The following CTNNA3 variants were observed in gnomAD, a reference collection of about 807,000 sequenced individuals.
The protein encoded by CTNNA3 is catenin alpha-3.
In CTNNA3, 76 loss-of-function variants were observed where a neutral mutation model predicts 95.7. That is an observed-to-expected ratio of 0.79 (90% CI 0.66 to 0.96). The LOEUF is 0.96. Ranked by LOEUF, CTNNA3 falls within the 40% of genes least tolerant of loss-of-function variation. The pLI is 0.00. For missense variants in CTNNA3, 1,191 were observed against 1,089.8 expected, an observed-to-expected ratio of 1.09 and a Z score of -1.31; for synonymous variants, 431 against 374.4, an observed-to-expected ratio of 1.15 and a Z score of -1.74.
At chr10:67,099,435 T>G (rs1361822703) in intron 7 of CTNNA3, 2 of 151,754 alleles carry the variant, frequency 1.3e-5, no homozygotes, top group Admixed American at 6.6e-5. Flanking sequence ...AATACATCAA[T>G]CTAACAGGGG....
intron 15 of CTNNA3, among the ~76,000 whole-genome samples, chr10:66,066,092 A>G (rs2080307248): frequency 1.3e-5 from 2 of 151,198 alleles, no homozygotes; most frequent in Non-Finnish European, 2.9e-5. Context: ...CGAACTCCCA[A>G]CCTCTGGTGA....
At chr10:66,782,923 A>T (rs1166556756) in intron 7 of CTNNA3, among the ~76,000 whole-genome samples, 2 of 152,128 alleles carry the variant, frequency 1.3e-5, no homozygotes, top group African/African-American at 4.8e-5. Context: ...GGTTTCTAAA[A>T]TAAGCTCTCT....
chr10:67,234,981 G>A (rs890920792), intron 5 of CTNNA3, among the ~76,000 whole-genome samples: 10 of 148,592 alleles, frequency 6.7e-5, no homozygotes, highest in Admixed American at 2.0e-4. Context: ...TCTTCAAGGA[G>A]AACTACAAAC....
At chr10:66,732,896 A>G (rs1053377901) in intron 9 of CTNNA3, among the ~76,000 whole-genome samples, 1 of 152,076 alleles carries the variant, frequency 6.6e-6, no homozygotes, top group Non-Finnish European at 1.5e-5. Context: ...CCCAGGTTCA[A>G]GTGATTCTCA....
At chr10:66,541,307 C>T (rs759812376) in intron 10 of CTNNA3, among the ~76,000 whole-genome samples, 1 of 152,142 alleles carries the variant, frequency 6.6e-6, no homozygotes, top group Non-Finnish European at 1.5e-5. Context: ...AATTTAATTA[C>T]ATCAATTTGG....
intron 1 of CTNNA3, among the ~76,000 whole-genome samples, chr10:67,718,220 GA>G (rs546987376): frequency 9.7e-4 from 148 of 152,314 alleles, no homozygotes; most frequent in African/African-American, 3.3e-3. Context: ...TTGGAGCTGA[GA>G]AAATGGGGTT....
chr10:65,973,942 G>A lies in CTNNA3; in HGVS notation c.2266-7196C>T, dbSNP rs115198273. Among the ~76,000 whole-genome samples the A allele has an allele frequency of 8.4e-3, 1,270 of 152,004 alleles. 24 individuals carry two copies. Among genetic ancestry groups the A allele is most frequent in the African/African-American group, 0.029 (1,197 of 41,482 alleles). ...GCCAAAACCACATCAAAACATGAAT[G>A]GACACTTCTCAAAAGAAGACATACA... On this transcript the variant is annotated intron_variant, in intron 16 of 17. Transcript: ENST00000433211.
At chr10:67,755,064 C>T (rs1841425704) in intron 1 of CTNNA3, among the ~76,000 whole-genome samples, 1 of 151,818 alleles carries the variant, frequency 6.6e-6, no homozygotes, top group African/African-American at 2.4e-5. Flanking sequence ...ATTACCAATG[C>T]CTGTAGTAGT....
intron 3 of CTNNA3, among the ~76,000 whole-genome samples, chr10:67,591,907 G>GAC (rs1564767212): frequency 1.3e-5 from 2 of 151,722 alleles, no homozygotes; most frequent in African/African-American, 4.9e-5. Flanking sequence ...ACAGCAACAG[G>GAC]AGACAAATTC....
At chr10:66,897,532 A>T (rs1045426753) in intron 7 of CTNNA3, among the ~76,000 whole-genome samples, 1 of 152,178 alleles carries the variant, frequency 6.6e-6, no homozygotes, top group Non-Finnish European at 1.5e-5. Flanking sequence ...ACCAACAACA[A>T]ATTATTTTAA....
intron 5 of CTNNA3, among the ~76,000 whole-genome samples, chr10:67,365,737 A>C (rs1223617882): frequency 6.6e-6 from 1 of 152,218 alleles, no homozygotes; most frequent in Non-Finnish European, 1.5e-5. Context: ...CAGATGCTGG[A>C]GAGGATGTGA....
chr10:66,249,069 A>G (rs2090446888), intron 13 of CTNNA3, among the ~76,000 whole-genome samples: 1 of 152,190 alleles, frequency 6.6e-6, no homozygotes, highest in African/African-American at 2.4e-5. Flanking sequence ...TCTCTTCAAT[A>G]AATGGTGCTG....
intron 7 of CTNNA3, among the ~76,000 whole-genome samples, chr10:67,179,969 C>A (rs191300365): frequency 1.3e-5 from 2 of 152,138 alleles, no homozygotes; most frequent in Admixed American, 1.3e-4. Context: ...CTAACTTGAT[C>A]CTGAGCAATC....
intron 5 of CTNNA3, among the ~76,000 whole-genome samples, chr10:67,396,900 C>T (rs774026661): frequency 2.5e-4 from 38 of 152,132 alleles, no homozygotes; most frequent in Non-Finnish European, 4.9e-4. Context: ...ACTTCTCCTT[C>T]CTGGCACCAT....
intron 13 of CTNNA3, among the ~76,000 whole-genome samples, chr10:66,268,786 G>A (rs994172588): frequency 2.0e-5 from 3 of 152,102 alleles, no homozygotes; most frequent in African/African-American, 7.2e-5. Flanking sequence ...AAAGTACATT[G>A]CATTGAGGTC....
chr10:67,201,777 A>T, intron 6 of CTNNA3, among the ~76,000 whole-genome samples: 1 of 152,198 alleles, frequency 6.6e-6, no homozygotes, highest in African/African-American at 2.4e-5. Context: ...GTCCAAGTCA[A>T]CCTGAAAGAA....
At chr10:66,321,702 C>T (rs548150693) in intron 12 of CTNNA3, among the ~76,000 whole-genome samples, 1 of 152,190 alleles carries the variant, frequency 6.6e-6, no homozygotes, top group South Asian at 2.1e-4. Flanking sequence ...TTTATACTCT[C>T]CGAGTGTATT....
At chr10:67,617,996 AT>A (rs1564786792) in intron 2 of CTNNA3, among the ~76,000 whole-genome samples, 1 of 152,120 alleles carries the variant, frequency 6.6e-6, no homozygotes, top group African/African-American at 2.4e-5. Context: ...ATTTCAAAAA[AT>A]GAGAAGAAAA....
At position 67,655,051 on chromosome 10, in the gene CTNNA3, A is replaced by G. The variant is rs72806688; in HGVS notation, c.-5-7533T>C. On this transcript the variant is annotated intron_variant, in intron 1 of 17. Transcript: ENST00000433211. ...AGGTAACTATTCTTATTTATTATCG[A>G]CCTTCTCCCATGTTTTCTCCTGATA... 1.6e-3 allele frequency among the ~76,000 whole-genome samples: 237 copies of G among 152,314 alleles called. 1 individual carries two copies. Among genetic ancestry groups the G allele is most frequent in the Non-Finnish European group, 2.9e-3 (195 of 68,034 alleles).
Sources: allele counts gnomAD v4.1 joint callset (sites outside exome capture counted in the v4.1 genomes callset), GRCh38; gene constraint gnomAD v4.1.1; transcripts MANE v1.5; gene names NCBI Gene and HGNC (gene_info 2026-07-23, HGNC 2026-07-21).